Variants in NDUFA10 observed in about 807,000 individuals in gnomAD.
NDUFA10 encodes the protein NADH:ubiquinone oxidoreductase subunit A10, also known as NADH dehydrogenase [ubiquinone] 1 alpha subcomplex subunit 10, mitochondrial.
A neutral mutation model predicts 47.8 loss-of-function variants in NDUFA10; 40 were observed. The observed-to-expected ratio is 0.84, with a 90% CI of 0.65 to 1.09. The LOEUF (loss-of-function observed/expected upper bound fraction) is 1.09, where lower values mean the gene tolerates loss of function less well. NDUFA10 is among the 50% of genes least tolerant of loss of function. The probability of loss-of-function intolerance (pLI) is 0.00; values close to 1 mark genes in which losing one functional copy is unlikely to be tolerated. For missense variants in NDUFA10, 413 were observed against 451.1 expected (o/e 0.92, Z 0.76); for synonymous variants, 183 against 172.2 (o/e 1.06, Z -0.49).
chr2:239,956,285 G>GA (rs1460009292), downstream of NDUFA10, among the ~76,000 whole-genome samples: 1 of 152,184 alleles, frequency 6.6e-6, no homozygotes, highest in Non-Finnish European at 1.5e-5. Flanking sequence ...GACGCACGGT[G>GA]ATAACTTCTG....
intron 9 of NDUFA10, among the ~76,000 whole-genome samples, chr2:239,966,894 ACTTG>A (rs1695092786): frequency 7.3e-6 from 1 of 137,490 alleles, no homozygotes; most frequent in East Asian, 2.1e-4. Context: ...AGATTAAGTA[ACTTG>A]CTGAGGGTGG....
intron 6 of NDUFA10, among the ~76,000 whole-genome samples, chr2:240,010,651 CACAA>C (rs1697103717): frequency 6.6e-6 from 1 of 151,882 alleles, no homozygotes; most frequent in South Asian, 2.1e-4. Flanking sequence ...AAACGCTCAC[CACAA>C]ACAAGCAGAG....
In NDUFA10 at chr2:240,021,422, G is replaced by C. The variant is rs1427307626; in HGVS notation, c.245-10C>G. On this transcript the variant is annotated splice_polypyrimidine_tract_variant and intron_variant, in intron 2 of 9. Coordinates refer to ENST00000252711, the MANE Select transcript of NDUFA10 (RefSeq NM_004544.4). ...GGAAAGTGCTTGAAGCCTGAAAAGA[G>C]AAACAGTCGGATGCAGTCTGATGCA... 5 of 1,611,902 alleles carry C rather than the reference G, an allele frequency of 3.1e-6. No individual in the cohort carries two copies. In the Admixed American group the frequency reaches 8.3e-5, roughly 27 times the overall value.
intron 4 of NDUFA10, among the ~76,000 whole-genome samples, chr2:239,911,668 A>AGTGTGTGTGTGTGTGTGTGT (rs1209330426): frequency 3.8e-5 from 3 of 79,204 alleles, no homozygotes; most frequent in Admixed American, 1.4e-4. Context: ...AAAACATGAG[A>AGTGTGTGTGTGTGTGTGTGT]GAGTGTGTGT....
In NDUFA10 at chr2:239,900,073, G is replaced by A. The variant is rs530540010; in HGVS notation, c.295-4759C>T. On this transcript the variant is annotated intron_variant, in intron 4 of 5. Coordinates refer to the NDUFA10 transcript ENST00000419408. The stretch of plus-strand genomic sequence containing the variant: ...GTCTTCCAGCCTTCATCTTTCTCCC[G>A]TGGTGGATGCTTCCTGCCCCTGAAC... 1.8e-4 allele frequency among the ~76,000 whole-genome samples: 28 copies of A among 152,094 alleles called. No homozygotes were observed. The South Asian group carries it at 2.9e-3, about 16-fold the overall frequency.
intron 8 of NDUFA10, among the ~76,000 whole-genome samples, chr2:239,995,436 C>T (rs1167267605): frequency 6.6e-6 from 1 of 152,090 alleles, no homozygotes; most frequent in Admixed American, 6.6e-5. Flanking sequence ...TCCACAGCAA[C>T]CACTACAAAC....
chr2:239,976,912 C>G (rs770973171), intron 9 of NDUFA10, among the ~76,000 whole-genome samples: 1 of 152,152 alleles, frequency 6.6e-6, no homozygotes, highest in Non-Finnish European at 1.5e-5. Context: ...CTGATTTAGA[C>G]AACTGCAACC....
chr2:239,992,112 TTAAG>T (rs749038827), intron 8 of NDUFA10, among the ~76,000 whole-genome samples: 25 of 152,132 alleles, frequency 1.6e-4, no homozygotes, highest in Non-Finnish European at 2.8e-4. Flanking sequence ...ACTCCTAGAT[TTAAG>T]TAAGAAATAA....
Position 240,022,392 on chromosome 2 carries a change from T to C in NDUFA10, c.76-52A>G, listed in dbSNP as rs540336418. The C allele has an allele frequency of 7.4e-6, 12 of 1,611,844 alleles. No homozygotes were observed. The African/African-American group carries it at 9.3e-5, about 13-fold the overall frequency. ...CACATTGTGACCACTCTGGTTCCTG[T>C]AGGCATTAGTAACTATTAGGTAAAA... On this transcript the variant is annotated intron_variant, in intron 1 of 9. Transcript: ENST00000252711.
intron 4 of NDUFA10, among the ~76,000 whole-genome samples, chr2:239,938,503 T>C (rs1204285071): frequency 1.3e-5 from 2 of 152,222 alleles, no homozygotes; most frequent in Non-Finnish European, 2.9e-5. Context: ...CTCTTCTATG[T>C]GTGTGAGCTT....
Position 239,990,161 on chromosome 2 carries a change from C to T in NDUFA10, c.912G>A (p.Val304=), listed in dbSNP as rs199902163. Reference sequence around the variant, plus strand: ...AGATAGGAATGCTTGTGTAATTCAGCACCTCAAACTTATCCTGAACCCTAA... The same window carrying T: ...AGATAGGAATGCTTGTGTAATTCAGTACCTCAAACTTATCCTGAACCCTAA... ...LRLLVQDKFE[V]LNYTSIPIFL... The change falls in exon 9 of 10, where the codon GTG becomes GTA. Residue 304 remains valine, a synonymous_variant. Transcript: ENST00000252711. 8.7e-6 allele frequency: 14 copies of T among 1,613,540 alleles called. No homozygotes were observed. In the East Asian group the frequency reaches 3.1e-4, roughly 36 times the overall value.
chr2:239,937,742 T>G (rs1481249517), intron 4 of NDUFA10, among the ~76,000 whole-genome samples: 1 of 152,232 alleles, frequency 6.6e-6, no homozygotes, highest in Non-Finnish European at 1.5e-5. Context: ...ACCACCAAGC[T>G]GTTTTCCAAA....
Position 239,987,545 on chromosome 2 carries a change from T to C in NDUFA10, c.999+2529A>G, listed in dbSNP as rs1047983393. On this transcript the variant is annotated intron_variant, in intron 9 of 9. Coordinates refer to ENST00000252711, the MANE Select transcript of NDUFA10 (RefSeq NM_004544.4). The surrounding 1 kb of genome is among the most constrained non-coding windows in gnomAD (Gnocchi z 4.8). ...AATGGTTCAGGAAAAGTTATTTTTC[T>C]TTTTTTAGTTTGGAACATCCCAAAC... 2.0e-5 allele frequency among the ~76,000 whole-genome samples: 3 copies of C among 152,096 alleles called. No homozygotes were observed. Among genetic ancestry groups the C allele is most frequent in the African/African-American group, 4.8e-5 (2 of 41,410 alleles).
Position 240,018,549 on chromosome 2 carries a change from T to G in NDUFA10, c.547+4A>C. On this transcript the variant is annotated splice_donor_region_variant and intron_variant, in intron 4 of 9. Transcript: ENST00000252711. ...CCAGAAGTGGGTCTGCAATGCTGAC[T>G]CACACTGCTTTCGGATGAATCCCTG... The G allele has an allele frequency of 6.2e-7, 1 of 1,614,226 alleles. No individual in the cohort carries two copies. Among genetic ancestry groups the G allele is most frequent in the South Asian group, 1.1e-5 (1 of 91,086 alleles).
intron 4 of NDUFA10, among the ~76,000 whole-genome samples, chr2:239,902,377 C>T (rs1242388828): frequency 1.3e-5 from 2 of 152,026 alleles, no homozygotes; most frequent in South Asian, 2.1e-4. Flanking sequence ...TTACAACTTG[C>T]GGAAGGCTCT....
chr2:239,962,872 G>A (rs1694911772), intron 9 of NDUFA10, among the ~76,000 whole-genome samples: 1 of 152,072 alleles, frequency 6.6e-6, no homozygotes, highest in Non-Finnish European at 1.5e-5. Context: ...ATGAGAGGTC[G>A]ACGCGCACTC....
At chr2:239,965,562 G>A (rs997137026) in intron 9 of NDUFA10, among the ~76,000 whole-genome samples, 7 of 152,180 alleles carry the variant, frequency 4.6e-5, no homozygotes, top group Admixed American at 1.3e-4. Context: ...CCCGAGCCAC[G>A]CTTTCCCGGA....
At chr2:239,904,651 C>T (rs377371145) in intron 4 of NDUFA10, among the ~76,000 whole-genome samples, 35 of 152,328 alleles carry the variant, frequency 2.3e-4, no homozygotes, top group African/African-American at 7.2e-4. Context: ...GCCCTAGGCA[C>T]GGTGCCCTCA....
chr2:239,976,219 C>T (rs2106418337), intron 9 of NDUFA10, among the ~76,000 whole-genome samples: 1 of 152,284 alleles, frequency 6.6e-6, no homozygotes, highest in South Asian at 2.1e-4. Flanking sequence ...ATTTGAACTC[C>T]TCGGGTTAAT....
Sources: gnomAD v4.1 joint callset for allele counts (sites outside exome capture counted in the v4.1 genomes callset) on GRCh38, gnomAD v4.1.1 for gene constraint, Gnocchi (gnomAD v3.1) non-coding constraint, MANE v1.5 for transcripts, NCBI Gene and HGNC (gene_info 2026-07-23, HGNC 2026-07-21) for gene names.